MAD1L1: variants seen among roughly 807,000 people sequenced by gnomAD.
MAD1L1 encodes mitotic arrest deficient 1 like 1.
Under a neutral mutation model 96.9 loss-of-function variants are expected in MAD1L1, and 95 were observed. The ratio of observed to expected loss-of-function variants is 0.98; its 90% CI spans 0.83 to 1.16. The LOEUF (loss-of-function observed/expected upper bound fraction) is 1.16. Among genes scored for constraint, MAD1L1 ranks in the 50% most tolerant of loss-of-function variants. MAD1L1 has a pLI of 0.00. For missense variants in MAD1L1, 1,007 were observed against 954.4 expected (o/e 1.06, Z -0.73); for synonymous variants, 473 against 396.6 (o/e 1.19, Z -2.29).
intron 18 of MAD1L1, among the ~76,000 whole-genome samples, chr7:1,866,378 C>G (rs1784780431): frequency 6.6e-6 from 1 of 152,202 alleles, no homozygotes; most frequent in African/African-American, 2.4e-5. Context: ...GCTCCTGGAA[C>G]CCTAACTGGT....
chr7:2,053,690 G>A (rs1484219502), intron 12 of MAD1L1, among the ~76,000 whole-genome samples: 1 of 152,142 alleles, frequency 6.6e-6, no homozygotes, highest in Admixed American at 6.5e-5. Flanking sequence ...AGGGTACAGG[G>A]CCAGGGACAG....
rs1020178225 is a variant in MAD1L1, at chr7:2,146,488, T to C, written c.1073+2664A>G. ...AACAGCGTTCACTACCAGGGAAAGA[T>C]GGACACGGCCAACATACTTGGTAAA... is the stretch of plus-strand genomic sequence containing the variant. On this transcript the variant is annotated intron_variant, in intron 11 of 18. Transcript: ENST00000265854. The surrounding 1 kb of genome is among the most constrained non-coding windows in gnomAD (Gnocchi z 6.2). Among the ~76,000 whole-genome samples, 1 of 152,192 alleles carries C rather than the reference T, an allele frequency of 6.6e-6. No homozygotes were observed. The highest frequency in any genetic ancestry group is 1.5e-5 in the Non-Finnish European group (1 of 68,036).
chr7:2,147,430 G>A (rs1789364190), intron 11 of MAD1L1, among the ~76,000 whole-genome samples: 1 of 152,226 alleles, frequency 6.6e-6, no homozygotes, highest in African/African-American at 2.4e-5. Context: ...AGCCACACGT[G>A]GGACAGAAGC....
rs1353928454 is a variant in MAD1L1, at chr7:1,889,232, G to A, written c.1998+8968C>T. On this transcript the variant is annotated intron_variant, in intron 18 of 18. Transcript: ENST00000265854. ...CCACACCAAGGCAGTTCTGGCCCGG[G>A]TCCAGTCCCTCCCACCACCCGACGG... is the stretch of plus-strand genomic sequence containing the variant. 2.0e-5 allele frequency among the ~76,000 whole-genome samples: 3 copies of A among 152,220 alleles called. No individual in the cohort carries two copies. The East Asian group carries it at 5.8e-4, about 29-fold the overall frequency.
At chr7:2,062,006 C>T (rs934010974) in intron 12 of MAD1L1, among the ~76,000 whole-genome samples, 3 of 146,626 alleles carry the variant, frequency 2.0e-5, no homozygotes, top group Non-Finnish European at 3.0e-5. Context: ...TTTGGGAGGC[C>T]GAGGCAGGCA....
chr7:2,093,809 G>A (rs534972440), intron 11 of MAD1L1, among the ~76,000 whole-genome samples: 3 of 152,290 alleles, frequency 2.0e-5, no homozygotes, highest in South Asian at 4.1e-4. Context: ...CACGGAACGC[G>A]GAACCCAGGA....
chr7:1,916,156 G>T (rs563433788), intron 17 of MAD1L1, among the ~76,000 whole-genome samples: 1 of 152,276 alleles, frequency 6.6e-6, no homozygotes, highest in East Asian at 1.9e-4. Context: ...ACACCGGGAG[G>T]GTGTGGGGCC....
At chr7:1,872,258 G>T (rs946712397) in intron 18 of MAD1L1, among the ~76,000 whole-genome samples, 1 of 152,210 alleles carries the variant, frequency 6.6e-6, no homozygotes, top group Non-Finnish European at 1.5e-5. Context: ...CTATAGAGAG[G>T]ATCGGGGCCA....
chr7:2,100,524 T>A (rs1372885467), intron 11 of MAD1L1, among the ~76,000 whole-genome samples: 3 of 152,246 alleles, frequency 2.0e-5, no homozygotes, highest in Admixed American at 2.0e-4. Context: ...TGCCTCGTCC[T>A]GGCAGGACAA....
intron 18 of MAD1L1, among the ~76,000 whole-genome samples, chr7:1,816,654 T>G (rs1460861437): frequency 1.3e-5 from 2 of 152,020 alleles, no homozygotes; most frequent in Non-Finnish European, 2.9e-5. Context: ...TCCCCACTTG[T>G]GCAGGGGGGC....
chr7:2,057,664 G>A (rs1360828706), intron 12 of MAD1L1, among the ~76,000 whole-genome samples: 2 of 152,178 alleles, frequency 1.3e-5, no homozygotes, highest in Non-Finnish European at 2.9e-5. Context: ...CCTGCTGGAA[G>A]GCCAGACTTT....
At chr7:2,229,024 C>T (rs913698714) in intron 3 of MAD1L1, among the ~76,000 whole-genome samples, 1 of 152,244 alleles carries the variant, frequency 6.6e-6, no homozygotes, top group Non-Finnish European at 1.5e-5. Flanking sequence ...TGAGCCACCA[C>T]ATCTGGCCAC....
chr7:2,098,424 G>A (rs1000465885), intron 11 of MAD1L1, among the ~76,000 whole-genome samples: 5 of 152,198 alleles, frequency 3.3e-5, no homozygotes, highest in African/African-American at 1.2e-4. Context: ...AAGTGGGCAA[G>A]AGTCCCTCCC....
intron 17 of MAD1L1, among the ~76,000 whole-genome samples, chr7:1,935,595 T>G (rs1441917533): frequency 6.6e-6 from 1 of 152,104 alleles, no homozygotes; most frequent in Admixed American, 6.5e-5. Flanking sequence ...CAGAGGACAA[T>G]CACTCCTGAT....
intron 5 of MAD1L1, chr7:2,220,733 G>T: frequency 1.2e-6 from 1 of 831,376 alleles, no homozygotes; most frequent in South Asian, 2.0e-5. Flanking sequence ...CATGGGGGCT[G>T]CGTGCTCCCC....
At chr7:2,186,707 C>G (rs1373079586) in intron 10 of MAD1L1, among the ~76,000 whole-genome samples, 1 of 152,186 alleles carries the variant, frequency 6.6e-6, no homozygotes, top group Non-Finnish European at 1.5e-5. Context: ...CCTTGAGGGA[C>G]TAAGCGCTAG....
intron 10 of MAD1L1, among the ~76,000 whole-genome samples, chr7:2,153,886 G>T (rs577112524): frequency 6.6e-6 from 1 of 152,252 alleles, no homozygotes; most frequent in African/African-American, 2.4e-5. Context: ...GGCCGAGCGC[G>T]GTGGCTCACG....
chr7:2,216,789 C>A (rs1284027951), intron 7 of MAD1L1, among the ~76,000 whole-genome samples: 1 of 152,130 alleles, frequency 6.6e-6, no homozygotes, highest in African/African-American at 2.4e-5. Flanking sequence ...AAATTAAAGT[C>A]ATTGAGGTCA....
chr7:1,830,260 A>ATG (rs1470510342), intron 18 of MAD1L1, among the ~76,000 whole-genome samples: 48 of 152,240 alleles, frequency 3.2e-4, no homozygotes, highest in Non-Finnish European at 6.0e-4. Context: ...GGCCACGTGC[A>ATG]GTGGCACATC....
Sources: gnomAD v4.1 joint callset for allele counts (sites outside exome capture counted in the v4.1 genomes callset) on GRCh38, gnomAD v4.1.1 for gene constraint, Gnocchi (gnomAD v3.1) non-coding constraint, MANE v1.5 for transcripts, NCBI Gene and HGNC (gene_info 2026-07-23, HGNC 2026-07-21) for gene names.